The following SLIT3 variants were observed in gnomAD, a reference collection of about 807,000 sequenced individuals.
SLIT3 encodes slit guidance ligand 3, also known as slit homolog 3 protein.
Under a neutral mutation model 184.0 loss-of-function variants are expected in SLIT3, and 68 were observed. The observed-to-expected ratio is 0.37, with a 90% CI of 0.30 to 0.45. The LOEUF (loss-of-function observed/expected upper bound fraction) is 0.45. Ranked by LOEUF, SLIT3 falls within the 20% of genes least tolerant of loss-of-function variation. The pLI is 1.00. For synonymous variants in SLIT3, 831 were observed against 828.6 expected, an observed-to-expected ratio of 1.00 and a Z score of -0.05; for missense variants, 1,707 against 2,026.0, an observed-to-expected ratio of 0.84 and a Z score of 3.02.
At chr5:168,845,532 AAAT>A (rs1463408130) in intron 5 of SLIT3, among the ~76,000 whole-genome samples, 2 of 152,182 alleles carry the variant, frequency 1.3e-5, no homozygotes, top group Non-Finnish European at 2.9e-5. Flanking sequence ...GTGAGCATGA[AAAT>A]AATGTCTCTT....
At chr5:169,201,570 C>A (rs1169492019) in intron 3 of SLIT3, among the ~76,000 whole-genome samples, 2 of 152,192 alleles carry the variant, frequency 1.3e-5, no homozygotes, top group African/African-American at 4.8e-5. Context: ...AGATTTATTT[C>A]TCCTTCATAG....
At chr5:169,047,424 C>T (rs1757662098) in intron 4 of SLIT3, among the ~76,000 whole-genome samples, 1 of 152,158 alleles carries the variant, frequency 6.6e-6, no homozygotes. Context: ...CTAACACAGG[C>T]CCTTATTCCC....
chr5:168,858,353 T>C (rs1221247306), intron 5 of SLIT3, among the ~76,000 whole-genome samples: 1 of 152,248 alleles, frequency 6.6e-6, no homozygotes, highest in Non-Finnish European at 1.5e-5. Context: ...CTTTGTCTCC[T>C]TCAGAAATGA....
chr5:168,706,677 A>G (rs1762380309), intron 26 of SLIT3: 1 of 152,204 alleles, frequency 6.6e-6, no homozygotes, highest in Non-Finnish European at 1.5e-5. Flanking sequence ...TCTGGGACTC[A>G]GTGGTAAGTT....
chr5:169,205,212 G>A (rs575172007), intron 3 of SLIT3, among the ~76,000 whole-genome samples: 51 of 152,276 alleles, frequency 3.3e-4, no homozygotes, highest in Non-Finnish European at 5.9e-4. Flanking sequence ...GCATGGCGCT[G>A]GGGCTTAGGA....
chr5:169,184,788 C>T (rs750856841), intron 4 of SLIT3, among the ~76,000 whole-genome samples: 12 of 152,188 alleles, frequency 7.9e-5, no homozygotes, highest in African/African-American at 1.7e-4. Flanking sequence ...ACAATCACTT[C>T]GGAATATGTT....
At chr5:168,735,657 TAGATACAC>T (rs1449185046) in intron 20 of SLIT3, among the ~76,000 whole-genome samples, 1 of 114,644 alleles carries the variant, frequency 8.7e-6, no homozygotes, top group African/African-American at 3.5e-5. Flanking sequence ...TATAGACAGA[TAGATACAC>T]ACACACACAC....
rs560098560 is a variant in SLIT3, at chr5:169,257,797, T to C, written c.198-6338A>G. On this transcript the variant is annotated intron_variant, in intron 1 of 35. Transcript: ENST00000519560. ...CTCAAACTCCTGACCTCAGGTGATC[T>C]GCCCACCTTGGCCTCCCAAAGTGCT... Among the ~76,000 whole-genome samples, 37 of 152,154 alleles carry C rather than the reference T, an allele frequency of 2.4e-4. No individual in the cohort carries two copies. The South Asian group carries it at 7.5e-3, about 31-fold the overall frequency.
At chr5:169,196,963 T>G (rs1434009334) in intron 3 of SLIT3, among the ~76,000 whole-genome samples, 1 of 152,166 alleles carries the variant, frequency 6.6e-6, no homozygotes, top group African/African-American at 2.4e-5. Context: ...AAGAGTTATA[T>G]TCAGAGAACC....
chr5:169,109,472 G>A (rs913288233), intron 4 of SLIT3, among the ~76,000 whole-genome samples: 4 of 152,206 alleles, frequency 2.6e-5, no homozygotes, highest in South Asian at 2.1e-4. Flanking sequence ...GAGAGACCCT[G>A]AGCAGAAGAT....
chr5:168,696,344 G>A lies in SLIT3; in HGVS notation c.3030C>T (p.Thr1010=), dbSNP rs139947152. 648 of 1,614,184 alleles carry A rather than the reference G, an allele frequency of 4.0e-4. 2 individuals carry two copies. The African/African-American group carries it at 7.0e-3, about 17-fold the overall frequency. ...CGTAGTTGTTGATCCCGTCCACGCA[G>A]GTGGCATTGTTTTCGCAGTCGTTGT... ...CEDNDCENNA[T]CVDGINNYVC... Residue 1010 remains threonine (T), a synonymous_variant, in exon 28 of 36, where the codon ACC becomes ACT. Transcript: ENST00000519560.
intron 26 of SLIT3, among the ~76,000 whole-genome samples, chr5:168,701,184 A>G (rs995020957): frequency 6.6e-6 from 1 of 152,350 alleles, no homozygotes; most frequent in South Asian, 2.1e-4. Flanking sequence ...CACCTAGCAC[A>G]TAGTAGGCAT....
intron 1 of SLIT3, among the ~76,000 whole-genome samples, chr5:169,261,259 T>C (rs886826978): frequency 4.6e-5 from 7 of 152,162 alleles, no homozygotes; most frequent in Non-Finnish European, 8.8e-5. Flanking sequence ...AAGAGTTGGC[T>C]ATATTCAGGT....
chr5:168,755,399 T>TCTCTCTCTCTCTC (rs1754869371), intron 16 of SLIT3, among the ~76,000 whole-genome samples: 1 of 16,480 alleles, frequency 6.1e-5, no homozygotes, highest in Non-Finnish European at 1.1e-4. Context: ...ATTTCTTTCT[T>TCTCTCTCTCTCTC]TCTTTCTTTC....
intron 3 of SLIT3, among the ~76,000 whole-genome samples, chr5:169,232,290 T>A (rs1452294104): frequency 1.3e-5 from 2 of 152,316 alleles, no homozygotes; most frequent in South Asian, 2.1e-4. Flanking sequence ...AGTGGTGCGA[T>A]CTTGGCTCAC....
intron 4 of SLIT3, among the ~76,000 whole-genome samples, chr5:168,917,437 C>T (rs1319047877): frequency 6.6e-6 from 1 of 152,224 alleles, no homozygotes; most frequent in Non-Finnish European, 1.5e-5. Flanking sequence ...AACTGGTCCC[C>T]TGACATAAAT....
chr5:168,676,171 A>T (rs1270566219), intron 32 of SLIT3, among the ~76,000 whole-genome samples: 3 of 97,102 alleles, frequency 3.1e-5, no homozygotes, highest in East Asian at 1.1e-3. Flanking sequence ...TCTTCCATCC[A>T]TCCATCCATC....
chr5:168,802,973 G>C (rs576864153), intron 9 of SLIT3, among the ~76,000 whole-genome samples: 2 of 152,298 alleles, frequency 1.3e-5, no homozygotes, highest in South Asian at 4.2e-4. Flanking sequence ...AAGCTGGAAT[G>C]TATGTCTGCT....
Position 168,671,446 on chromosome 5 carries a change from C to T in SLIT3, c.3879G>A (p.Gln1293=). The T allele has an allele frequency of 6.2e-7, 1 of 1,613,364 alleles. No homozygotes were observed. The highest frequency in any genetic ancestry group is 1.1e-5 in the South Asian group (1 of 90,812). ...AGCCGCCTAGAGGCCGGTCCGTGCC[C>T]TGGCGCAAGGCAGAGAGGCCGGTGG... ...PTSTGLSALR[Q]GTDRPLGGFH... is the part of the protein sequence containing the mutation. The change falls in exon 34 of 36, where the codon CAG becomes CAA. Residue 1293 remains glutamine (Q), a synonymous_variant. Coordinates refer to ENST00000519560, the MANE Select transcript of SLIT3 (RefSeq NM_003062.4).
Sources: allele counts gnomAD v4.1 joint callset (sites outside exome capture counted in the v4.1 genomes callset), GRCh38; gene constraint gnomAD v4.1.1; transcripts MANE v1.5; gene names NCBI Gene and HGNC (gene_info 2026-07-23, HGNC 2026-07-21).